Variants in RANBP2 observed in about 807,000 individuals in gnomAD.
RANBP2 encodes RAN binding protein 2, also known as E3 SUMO-protein ligase RanBP2.
A neutral mutation model predicts 303.6 loss-of-function variants in RANBP2; 57 were observed. The observed-to-expected ratio is 0.19, with a 90% CI of 0.15 to 0.23. The LOEUF is 0.23. Among genes scored for constraint, RANBP2 ranks in the 10% least tolerant of loss-of-function variants. RANBP2 has a pLI of 1.00. For missense variants in RANBP2, 3,138 were observed against 3,780.8 expected (o/e 0.83, Z 4.46); for synonymous variants, 1,167 against 1,301.5 (o/e 0.90, Z 2.23).
chr2:109,631,629 A>T, the RANBP2 span, among the ~76,000 whole-genome samples: 1 of 151,966 alleles, frequency 6.6e-6, no homozygotes, highest in South Asian at 2.1e-4. Flanking sequence ...GATGGCGGGC[A>T]CCTGTAATCC....
chr2:109,527,333 C>T, the RANBP2 span, among the ~76,000 whole-genome samples: 1 of 152,204 alleles, frequency 6.6e-6, no homozygotes, highest in African/African-American at 2.4e-5. Flanking sequence ...ACAGGCAGAA[C>T]ATGGTATGTT....
At chr2:109,588,727 G>A in the RANBP2 span, among the ~76,000 whole-genome samples, 240 of 151,766 alleles carry the variant, frequency 1.6e-3, no homozygotes, top group African/African-American at 5.7e-3. Flanking sequence ...CTGACCTCAG[G>A]TGATCCACTT....
chr2:109,712,550 G>A, the RANBP2 span, among the ~76,000 whole-genome samples: 423 of 152,124 alleles, frequency 2.8e-3, 2 homozygotes, highest in Middle Eastern at 6.8e-3. Context: ...TCCTGCCTCC[G>A]CCTCCCAAGT....
the RANBP2 span, among the ~76,000 whole-genome samples, chr2:109,408,572 C>T: frequency 6.6e-6 from 1 of 152,248 alleles, no homozygotes; most frequent in Non-Finnish European, 1.5e-5. Flanking sequence ...CATTCGCTGT[C>T]CCCTCTACCA....
At chr2:108,878,012 G>A in the RANBP2 span, among the ~76,000 whole-genome samples, 1 of 152,106 alleles carries the variant, frequency 6.6e-6, no homozygotes, top group Non-Finnish European at 1.5e-5. Flanking sequence ...TGAAGACAAT[G>A]GAATGACAGC....
chr2:109,087,435 G>A, the RANBP2 span, among the ~76,000 whole-genome samples: 10 of 152,260 alleles, frequency 6.6e-5, no homozygotes, highest in African/African-American at 2.4e-4. Flanking sequence ...TCACCTATCC[G>A]GCAAAACAGA....
the RANBP2 span, among the ~76,000 whole-genome samples, chr2:109,147,297 C>T: frequency 6.6e-6 from 1 of 152,146 alleles, no homozygotes; most frequent in Non-Finnish European, 1.5e-5. Flanking sequence ...GCTGCTCTCT[C>T]TCTATCAGAG....
Position 108,764,760 on chromosome 2 carries a change from A to G in RANBP2, c.4221A>G (p.Arg1407=). 1 of 1,614,030 alleles carries G rather than the reference A, an allele frequency of 6.2e-7. No homozygotes were observed. The highest frequency in any genetic ancestry group is 8.5e-7 in the Non-Finnish European group (1 of 1,179,960). ...PKTSPENVQD[R]FALVTPKKEG... ...CCAGCCCAGAGAATGTTCAAGATCG[A>G]TTTGCATTGGTGACTCCAAAGAAAG... The change falls in exon 20 of 29, where the codon CGA becomes CGG. Residue 1407 remains arginine, a synonymous_variant. Coordinates refer to ENST00000283195, the MANE Select transcript of RANBP2 (RefSeq NM_006267.5).
chr2:109,210,458 A>T, the RANBP2 span, among the ~76,000 whole-genome samples: 1 of 152,230 alleles, frequency 6.6e-6, no homozygotes, highest in Non-Finnish European at 1.5e-5. Context: ...AGAGTTGCCC[A>T]GCAGCCTGGA....
chr2:109,678,060 G>T, the RANBP2 span, among the ~76,000 whole-genome samples: 1 of 152,216 alleles, frequency 6.6e-6, no homozygotes, highest in Non-Finnish European at 1.5e-5. Context: ...CTGTTGCTAG[G>T]AGATGATGGG....
chr2:109,555,342 C>T, the RANBP2 span, among the ~76,000 whole-genome samples: 6 of 152,236 alleles, frequency 3.9e-5, no homozygotes, highest in South Asian at 1.0e-3. Flanking sequence ...GTTCCCAGAA[C>T]GAACCTGGCA....
the RANBP2 span, chr2:109,565,729 A>G: frequency 2.0e-6 from 3 of 1,526,846 alleles, no homozygotes; most frequent in Non-Finnish European, 9.1e-7. Context: ...TACTAGATAG[A>G]TACATATTTC....
chr2:108,996,252 T>A, the RANBP2 span, among the ~76,000 whole-genome samples: 1 of 152,116 alleles, frequency 6.6e-6, no homozygotes, highest in Non-Finnish European at 1.5e-5. Context: ...AAGGTCTGAG[T>A]CTGGGTCTTG....
the RANBP2 span, among the ~76,000 whole-genome samples, chr2:109,497,860 A>G: frequency 1.3e-5 from 2 of 152,258 alleles, no homozygotes; most frequent in African/African-American, 4.8e-5. Flanking sequence ...GCAAAAGCCA[A>G]AACTTGCATT....
chr2:109,389,675 A>G, the RANBP2 span, among the ~76,000 whole-genome samples: 1 of 152,194 alleles, frequency 6.6e-6, no homozygotes, highest in Non-Finnish European at 1.5e-5. Flanking sequence ...TTTAATTTCT[A>G]TTTTGTGTAT....
At chr2:109,251,327 A>G in the RANBP2 span, 1 of 483,948 alleles carries the variant, frequency 2.1e-6, no homozygotes, top group Non-Finnish European at 3.9e-6. Flanking sequence ...TTAACAAAGA[A>G]TTAGAGAGAT....
the RANBP2 span, among the ~76,000 whole-genome samples, chr2:109,015,852 G>A: frequency 2.2e-4 from 34 of 152,268 alleles, no homozygotes; most frequent in East Asian, 2.3e-3. Flanking sequence ...TATGTTATCC[G>A]TAAGGCTTCT....
chr2:109,662,031 C>T, the RANBP2 span, among the ~76,000 whole-genome samples: 1 of 152,184 alleles, frequency 6.6e-6, no homozygotes, highest in Non-Finnish European at 1.5e-5. Flanking sequence ...CTTCAGGGTC[C>T]GTCTCTGTAT....
At chr2:109,743,368 CTT>C in the RANBP2 span, among the ~76,000 whole-genome samples, 15 of 148,740 alleles carry the variant, frequency 1.0e-4, 2 homozygotes, top group African/African-American at 3.8e-4. Context: ...AATGATAAAA[CTT>C]TAAAAATATA....
Sources: gnomAD v4.1 joint callset for allele counts (sites outside exome capture counted in the v4.1 genomes callset) on GRCh38, gnomAD v4.1.1 for gene constraint, MANE v1.5 for transcripts, NCBI Gene and HGNC (gene_info 2026-07-23, HGNC 2026-07-21) for gene names.